Variants in RPS6KA2 observed in about 807,000 individuals in gnomAD.
RPS6KA2 encodes ribosomal protein S6 kinase A2.
In RPS6KA2, 42 loss-of-function variants were observed where a neutral mutation model predicts 91.8. That is an observed-to-expected ratio of 0.46 (90% CI 0.36 to 0.59). RPS6KA2 has a LOEUF of 0.59. Ranked by LOEUF, RPS6KA2 falls within the 20% of genes least tolerant of loss-of-function variation. RPS6KA2 has a pLI of 0.00. For synonymous variants in RPS6KA2, 414 were observed against 393.6 expected, an observed-to-expected ratio of 1.05 and a Z score of -0.61; for missense variants, 798 against 978.5, an observed-to-expected ratio of 0.82 and a Z score of 2.46.
chr6:166,702,747 T>G, intron 2 of RPS6KA2: 1 of 1,238,010 alleles, frequency 8.1e-7, no homozygotes, highest in Admixed American at 1.7e-5. Flanking sequence ...CCAGGAAGGG[T>G]CCCGACACGG....
chr6:166,742,678 T>TCCACTGCACCCACCAACATGCCACACTG (rs1790850798), intron 2 of RPS6KA2, among the ~76,000 whole-genome samples: 1 of 152,166 alleles, frequency 6.6e-6, no homozygotes, highest in African/African-American at 2.4e-5. Flanking sequence ...TGTGCTTCTC[T>TCCACTGCACCCACCAACATGCCACACTG]CCACTGCACC....
intron 13 of RPS6KA2, among the ~76,000 whole-genome samples, chr6:166,449,084 A>AG (rs1779769381): frequency 6.6e-6 from 1 of 152,190 alleles, no homozygotes; most frequent in East Asian, 1.9e-4. Flanking sequence ...TTGAGACACC[A>AG]GGCCGTTCTG....
chr6:166,713,823 C>T lies in RPS6KA2; in HGVS notation c.123+144377G>A, dbSNP rs770199224. 9.2e-5 allele frequency among the ~76,000 whole-genome samples: 14 copies of T among 152,332 alleles called. 1 individual carries two copies. The highest frequency in any genetic ancestry group is 7.2e-5 in the African/African-American group (3 of 41,564). On this transcript the variant is annotated intron_variant, in intron 2 of 21. Transcript: ENST00000503859. ...GCACTGGCCACGTTATCTGCAGAGA[C>T]GACTGGGGTCATGGTGTGAAGTTCC...
intron 6 of RPS6KA2, among the ~76,000 whole-genome samples, chr6:166,502,850 C>T (rs957022345): frequency 6.6e-6 from 1 of 152,210 alleles, no homozygotes; most frequent in African/African-American, 2.4e-5. Flanking sequence ...GCGGAGGCTG[C>T]TCTCTTCATG....
At chr6:166,524,855 A>G (rs1338871038) in intron 3 of RPS6KA2, among the ~76,000 whole-genome samples, 2 of 152,178 alleles carry the variant, frequency 1.3e-5, no homozygotes, top group African/African-American at 4.8e-5. Flanking sequence ...TTAGAGCTGG[A>G]CTCAGCTCCA....
At chr6:166,697,057 A>ATGTGTGTG (rs3071132) in intron 2 of RPS6KA2, among the ~76,000 whole-genome samples, 28 of 149,554 alleles carry the variant, frequency 1.9e-4, no homozygotes, top group Non-Finnish European at 3.4e-4. Context: ...GTGTATATAT[A>ATGTGTGTG]TGTGTGTGTG....
At chr6:166,716,055 AAAAAAAGAAG>A (rs1790003173) in intron 2 of RPS6KA2, among the ~76,000 whole-genome samples, 1 of 101,786 alleles carries the variant, frequency 9.8e-6, no homozygotes, top group Non-Finnish European at 1.9e-5. Context: ...AAAAAAAAAA[AAAAAAAGAAG>A]GAAAGAAAGA....
At chr6:166,525,935 T>C (rs1783011590) in intron 3 of RPS6KA2, among the ~76,000 whole-genome samples, 1 of 152,276 alleles carries the variant, frequency 6.6e-6, no homozygotes, top group South Asian at 2.1e-4. Context: ...TGAGACAAAC[T>C]TGGAGGTCCC....
At chr6:166,723,681 T>A (rs1790247700) in intron 2 of RPS6KA2, among the ~76,000 whole-genome samples, 1 of 151,158 alleles carries the variant, frequency 6.6e-6, no homozygotes, top group Non-Finnish European at 1.5e-5. Flanking sequence ...CATAATTTCC[T>A]TTTTCTTTTT....
chr6:166,525,372 C>T (rs1583239890), intron 3 of RPS6KA2, among the ~76,000 whole-genome samples: 1 of 152,126 alleles, frequency 6.6e-6, no homozygotes, highest in African/African-American at 2.4e-5. Context: ...CAGGCAGCAC[C>T]GCCGGGTCAG....
At chr6:166,578,018 C>T (rs535710385) in intron 1 of RPS6KA2, among the ~76,000 whole-genome samples, 192 of 152,320 alleles carry the variant, frequency 1.3e-3, no homozygotes, top group Non-Finnish European at 2.1e-3. Context: ...GCTTCTTTCT[C>T]ATTTTCTCTT....
intron 1 of RPS6KA2, among the ~76,000 whole-genome samples, chr6:166,570,081 G>C (rs1222758655): frequency 6.6e-6 from 1 of 152,154 alleles, no homozygotes; most frequent in Non-Finnish European, 1.5e-5. Flanking sequence ...AAATCCAAGG[G>C]AGAGGCTGTC....
intron 11 of RPS6KA2, among the ~76,000 whole-genome samples, chr6:166,468,845 C>G (rs565902517): frequency 0.027 from 2,920 of 108,384 alleles, 119 homozygotes; most frequent in African/African-American, 0.12. Context: ...GCCTGGGCGA[C>G]AGAGCGAGAC....
intron 2 of RPS6KA2, among the ~76,000 whole-genome samples, chr6:166,741,186 C>A (rs148901075): frequency 2.2e-3 from 340 of 152,356 alleles, no homozygotes; most frequent in Non-Finnish European, 3.7e-3. Flanking sequence ...CCATTCTATG[C>A]ACCGTTTATA....
At chr6:166,834,105 T>C (rs779787228) in intron 2 of RPS6KA2, among the ~76,000 whole-genome samples, 4 of 152,188 alleles carry the variant, frequency 2.6e-5, no homozygotes, top group Non-Finnish European at 5.9e-5. Context: ...ATAAAAGATG[T>C]TGCCCAACTA....
At chr6:166,504,645 A>C in intron 5 of RPS6KA2, 33 bp from the exon 6 acceptor site, 3 of 1,448,506 alleles carry the variant, frequency 2.1e-6, no homozygotes, top group Non-Finnish European at 2.9e-6. Flanking sequence ...AAAAACAAAA[A>C]ACGTTTAACT....
In RPS6KA2 at chr6:166,517,588, G is replaced by A. The variant is rs376720175; in HGVS notation, c.299-7231C>T. ...CTTCCCGGGTTCACGCCATTCTCCTGCCTCAGCCTCCCGAGTAGCTGGGAC... is the reference window on the plus strand; with the variant it reads ...CTTCCCGGGTTCACGCCATTCTCCTACCTCAGCCTCCCGAGTAGCTGGGAC... On this transcript the variant is annotated intron_variant, in intron 3 of 20. Coordinates refer to ENST00000265678, the MANE Select transcript of RPS6KA2 (RefSeq NM_021135.6). Among the ~76,000 whole-genome samples the A allele has an allele frequency of 3.8e-4, 56 of 147,554 alleles. No homozygotes were observed. In the East Asian group the frequency reaches 5.6e-3, roughly 15 times the overall value.
At position 166,473,296 on chromosome 6, in the gene RPS6KA2, T is replaced by A. The variant is rs1453744209; in HGVS notation, c.908-3391A>T. Among the ~76,000 whole-genome samples the A allele has an allele frequency of 5.3e-5, 8 of 152,174 alleles. No individual in the cohort carries two copies. In the East Asian group the frequency reaches 1.5e-3, roughly 29 times the overall value. ...GCCTCGATTTCCTGGGCTCAGGTGA[T>A]CCTCCCAGCTCAGTCTCCTGAGTAG... On this transcript the variant is annotated intron_variant, in intron 10 of 20. Transcript: ENST00000265678.
intron 1 of RPS6KA2, among the ~76,000 whole-genome samples, chr6:166,592,361 C>T (rs1406111184): frequency 1.3e-5 from 2 of 152,148 alleles, no homozygotes; most frequent in South Asian, 2.1e-4. Flanking sequence ...ACAAGCCCGG[C>T]CTGTCCTCTG....
Sources: allele counts gnomAD v4.1 joint callset (sites outside exome capture counted in the v4.1 genomes callset), GRCh38; gene constraint gnomAD v4.1.1; transcripts MANE v1.5; gene names NCBI Gene and HGNC (gene_info 2026-07-23, HGNC 2026-07-21).